C2CD3: variants seen among roughly 807,000 people sequenced by gnomAD.
C2CD3 encodes the protein C2 domain-containing protein 3.
A neutral mutation model predicts 234.0 loss-of-function variants in C2CD3; 148 were observed. The observed-to-expected ratio is 0.63, with a 90% CI of 0.55 to 0.72. C2CD3 has a LOEUF of 0.72. Among genes scored for constraint, C2CD3 ranks in the 30% least tolerant of loss-of-function variants. The pLI, the probability that C2CD3 is intolerant of heterozygous loss-of-function variation, is 0.00. For missense variants in C2CD3, 2,577 were observed against 2,811.5 expected, an observed-to-expected ratio of 0.92 and a Z score of 1.89; for synonymous variants, 1,000 against 1,035.4, an observed-to-expected ratio of 0.97 and a Z score of 0.66.
intron 20 of C2CD3, among the ~76,000 whole-genome samples, chr11:74,086,475 C>T (rs826057): frequency 0.37 from 55,512 of 152,046 alleles, 11,075 homozygotes; most frequent in African/African-American, 0.52. Flanking sequence ...GCATAAGTGA[C>T]CTCGTTTTGG....
intron 2 of C2CD3, chr11:74,168,115 C>A: frequency 1.1e-5 from 5 of 464,820 alleles, no homozygotes; most frequent in South Asian, 6.4e-5. Context: ...GAGAAAATAC[C>A]TATCTTTCAG....
In C2CD3 at chr11:74,168,158, A is replaced by T. The variant is rs901456636; in HGVS notation, c.325+186T>A. 7 of 586,812 alleles carry T rather than the reference A, an allele frequency of 1.2e-5. No individual in the cohort carries two copies. The African/African-American group carries it at 1.3e-4, about 11-fold the overall frequency. 36.4% of individuals were successfully genotyped at this position (586,812 alleles called of 1,614,324 possible). ...GTAAGGATTAGAAGTAATACATTTC[A>T]AAACTGCTGGCACACAGTAACACTC... On this transcript the variant is annotated intron_variant, in intron 2 of 32. Transcript: ENST00000334126.
intron 31 of C2CD3, among the ~76,000 whole-genome samples, chr11:74,029,158 G>A (rs1399628519): frequency 6.6e-6 from 1 of 152,172 alleles, no homozygotes; most frequent in East Asian, 1.9e-4. Context: ...TGAGAATATG[G>A]TGTTCTACAG....
At chr11:74,053,823 C>T (rs1953816327) in intron 26 of C2CD3, among the ~76,000 whole-genome samples, 1 of 152,130 alleles carries the variant, frequency 6.6e-6, no homozygotes, top group Non-Finnish European at 1.5e-5. Context: ...TACTTGAATT[C>T]TGTAGGAGAA....
At chr11:74,032,863 T>TA (rs111857966) in intron 31 of C2CD3, among the ~76,000 whole-genome samples, 4,802 of 142,200 alleles carry the variant, frequency 0.034, 211 homozygotes, top group African/African-American at 0.1. Context: ...ACCTGTCTCT[T>TA]AAAAAAAAAA....
intron 32 of C2CD3, 82 bp downstream of exon 32, chr11:74,028,204 TG>T: frequency 1.0e-6 from 1 of 978,976 alleles, no homozygotes; most frequent in Middle Eastern, 2.1e-4. Flanking sequence ...GAAGATGACC[TG>T]GGGCAGCTCT....
intron 9 of C2CD3, among the ~76,000 whole-genome samples, chr11:74,118,003 G>T (rs1048335967): frequency 1.3e-5 from 2 of 151,076 alleles, no homozygotes; most frequent in African/African-American, 4.9e-5. Context: ...CACCACTAAA[G>T]AACTTATTCA....
chr11:74,105,960 C>T (rs1362774994), intron 13 of C2CD3, among the ~76,000 whole-genome samples: 4 of 152,172 alleles, frequency 2.6e-5, no homozygotes, highest in Non-Finnish European at 5.9e-5. Context: ...ATGGCTTCTA[C>T]CTGACTGTTC....
intron 8 of C2CD3, among the ~76,000 whole-genome samples, chr11:74,121,170 AAAAC>A (rs982088822): frequency 4.6e-5 from 7 of 152,200 alleles, no homozygotes; most frequent in Non-Finnish European, 8.8e-5. Flanking sequence ...GTCTAGTAGA[AAAAC>A]ATACAGGCTT....
At chr11:74,124,751 A>C (rs1170449794) in intron 7 of C2CD3, among the ~76,000 whole-genome samples, 2 of 152,148 alleles carry the variant, frequency 1.3e-5, no homozygotes, top group Non-Finnish European at 2.9e-5. Context: ...TCTTTTATAT[A>C]ACTGTATTAT....
intron 7 of C2CD3, among the ~76,000 whole-genome samples, chr11:74,130,195 T>G (rs1389737259): frequency 2.0e-5 from 3 of 149,342 alleles, no homozygotes; most frequent in Non-Finnish European, 4.4e-5. Flanking sequence ...TTTGAGTTAA[T>G]TTTTGTACAT....
intron 13 of C2CD3, 89 bp downstream of exon 13, chr11:74,106,282 C>A: frequency 7.6e-7 from 1 of 1,308,752 alleles, no homozygotes; most frequent in East Asian, 2.4e-5. Flanking sequence ...AAAGACCTTG[C>A]TTTTCTTGTT....
intron 22 of C2CD3, among the ~76,000 whole-genome samples, chr11:74,082,994 A>G (rs1590745334): frequency 6.6e-6 from 1 of 152,318 alleles, no homozygotes; most frequent in South Asian, 2.1e-4. Context: ...AGACAATCCT[A>G]AGCAAAAAGA....
intron 24 of C2CD3, among the ~76,000 whole-genome samples, chr11:74,061,300 G>C (rs978849387): frequency 6.6e-6 from 1 of 152,188 alleles, no homozygotes; most frequent in Non-Finnish European, 1.5e-5. Flanking sequence ...TCCTCGAGAA[G>C]AGCAACTCCA....
rs1240565937 is a variant in C2CD3, at chr11:74,085,717, A to G, written c.3811T>C (p.Leu1271=). 6.2e-6 allele frequency: 10 copies of G among 1,614,170 alleles called. No homozygotes were observed. Among genetic ancestry groups the G allele is most frequent in the Non-Finnish European group, 6.8e-6 (8 of 1,180,040 alleles). Residue 1271 remains leucine, a synonymous_variant, in exon 21 of 33, where the codon TTG becomes CTG. Transcript: ENST00000334126. ...FSHHVEFTCN[L]VTQHCSGEAC... is the part of the protein sequence containing the mutation. ...TCTCCACTACAGTGCTGAGTCACCA[A>G]GTTACATGTGAACTCAACGTGATGG... is the stretch of plus-strand genomic sequence containing the variant.
intron 3 of C2CD3, among the ~76,000 whole-genome samples, chr11:74,155,571 C>A (rs1214629668): frequency 6.6e-6 from 1 of 152,082 alleles, no homozygotes. Context: ...AAAAGGGATG[C>A]ACTTCTGATA....
Position 74,109,117 on chromosome 11 carries a change from G to A in C2CD3, c.1879C>T (p.Gln627Ter), listed in dbSNP as rs775868482. 5 of 1,596,050 alleles carry A rather than the reference G, an allele frequency of 3.1e-6. No individual in the cohort carries two copies. The highest frequency in any genetic ancestry group is 4.3e-6 in the Non-Finnish European group (5 of 1,173,012). ...TGCTCTATCATTGGGCCACCAAACT[G>A]TACTGGAAACACAAATCGCTGCTGG... ...KFQQRFVFPV[Q>*]FGGPMIEHWW... Residue 627 changes from glutamine (Q) to a stop codon, truncating the protein, a stop_gained, in exon 12 of 33, where the codon CAG (glutamine) becomes TAG (stop). Transcript: ENST00000334126. LOFTEE classifies it high-confidence loss of function.
rs1054777865 is a variant in C2CD3, at chr11:74,113,969, T to C, written c.1731-77A>G. On this transcript the variant is annotated intron_variant, in intron 10 of 32. Coordinates refer to ENST00000334126, the MANE Select transcript of C2CD3 (RefSeq NM_001286577.2). ...TCCGTCTGATAAATCCAACATATAT[T>C]TGAAATCTTACTTTCAGGACCTCTA... 1.1e-4 allele frequency: 97 copies of C among 903,118 alleles called. No homozygotes were observed. In the African/African-American group the frequency reaches 1.6e-3, roughly 15 times the overall value. 55.9% of individuals were successfully genotyped at this position (903,118 alleles called of 1,614,324 possible). A position where few individuals can be genotyped will look rare whatever the true frequency, so the allele number is the denominator to read the frequency against.
chr11:74,078,284 G>A lies in C2CD3; in HGVS notation c.4434C>T (p.Gly1478=). ...CCCTGAAGTACCAAAGCAGTGATGGGCCCCTGGTGACTTCTGCTCTTTTGG... is the reference window on the plus strand; with the variant it reads ...CCCTGAAGTACCAAAGCAGTGATGGACCCCTGGTGACTTCTGCTCTTTTGG... ...KASKRAEVTR[G]PSLLWYFREE... Residue 1478 remains glycine, a synonymous_variant, in exon 23 of 33, where the codon GGC becomes GGT. Transcript: ENST00000334126. The A allele has an allele frequency of 3.1e-6, 5 of 1,614,170 alleles. No homozygotes were observed. Among genetic ancestry groups the A allele is most frequent in the Non-Finnish European group, 4.2e-6 (5 of 1,180,014 alleles).
Sources: allele counts gnomAD v4.1 joint callset (sites outside exome capture counted in the v4.1 genomes callset), GRCh38; gene constraint gnomAD v4.1.1; transcripts MANE v1.5; gene names NCBI Gene and HGNC (gene_info 2026-07-23, HGNC 2026-07-21).